RBFOX1: variants seen among roughly 807,000 people sequenced by gnomAD.
RBFOX1 encodes RNA binding protein fox-1 homolog 1.
Under a neutral mutation model 57.7 loss-of-function variants are expected in RBFOX1, and 8 were observed. That is an observed-to-expected ratio of 0.14 (90% CI 0.08 to 0.25). The LOEUF (loss-of-function observed/expected upper bound fraction) is 0.25. RBFOX1 is among the 10% of genes least tolerant of loss of function. RBFOX1 has a pLI of 1.00. For synonymous variants in RBFOX1, 326 were observed against 222.4 expected (o/e 1.47, Z -4.15); for missense variants, 611 against 548.5 (o/e 1.11, Z -1.14).
intron 2 of RBFOX1, among the ~76,000 whole-genome samples, chr16:6,366,562 G>T (rs377117746): frequency 6.6e-6 from 1 of 152,306 alleles, no homozygotes; most frequent in Non-Finnish European, 1.5e-5. Context: ...CTTCAAGGGG[G>T]TGAGGATGGC....
chr16:5,833,420 G>A (rs560796493), intron 3 of RBFOX1, among the ~76,000 whole-genome samples: 6 of 151,594 alleles, frequency 4.0e-5, no homozygotes, highest in Non-Finnish European at 5.9e-5. Flanking sequence ...GTGTGAACCC[G>A]GGAGGCGGAG....
intron 2 of RBFOX1, among the ~76,000 whole-genome samples, chr16:6,501,553 G>A (rs570871412): frequency 2.0e-5 from 3 of 151,802 alleles, no homozygotes; most frequent in Non-Finnish European, 4.4e-5. Context: ...TGGACATTTG[G>A]GTTGGTTCCA....
At chr16:7,140,157 C>CCTCTCTCCCTCT (rs2073304475) in intron 4 of RBFOX1, among the ~76,000 whole-genome samples, 1 of 70,868 alleles carries the variant, frequency 1.4e-5, no homozygotes, top group African/African-American at 5.9e-5. Flanking sequence ...TCCTTCTCTC[C>CCTCTCTCCCTCT]CTCTCTCTCT....
chr16:5,762,963 G>T (rs1012491629), intron 3 of RBFOX1, among the ~76,000 whole-genome samples: 1 of 152,196 alleles, frequency 6.6e-6, no homozygotes, highest in African/African-American at 2.4e-5. Context: ...TAGTGACACT[G>T]TGAATGATTT....
chr16:5,428,381 T>A (rs1268996694), intron 1 of RBFOX1, among the ~76,000 whole-genome samples: 4 of 151,980 alleles, frequency 2.6e-5, no homozygotes, highest in Non-Finnish European at 5.9e-5. Context: ...GTAGGAGGCG[T>A]CCCCAACAGT....
chr16:6,386,985 T>C (rs564186911), intron 2 of RBFOX1, among the ~76,000 whole-genome samples: 4 of 152,254 alleles, frequency 2.6e-5, no homozygotes, highest in East Asian at 3.9e-4. Context: ...TCCGCAAAGA[T>C]GAAGCTCAGA....
rs563995877 is a variant in RBFOX1 at position 6,613,511 on chromosome 16, C to T, written c.-63-41092C>T. Among the ~76,000 whole-genome samples the T allele has an allele frequency of 2.6e-5, 4 of 152,206 alleles. No individual in the cohort carries two copies. The South Asian group carries it at 8.3e-4, about 32-fold the overall frequency. On this transcript the variant is annotated intron_variant, in intron 2 of 15. Transcript: ENST00000550418. Reference sequence around the variant, plus strand: ...TAAGCATATAGATTAGCATCACTTACATGCAAGGACATTGTAAAATATGAT... The same window carrying T: ...TAAGCATATAGATTAGCATCACTTATATGCAAGGACATTGTAAAATATGAT...
chr16:5,799,305 G>A (rs2054983130), intron 3 of RBFOX1, among the ~76,000 whole-genome samples: 1 of 152,098 alleles, frequency 6.6e-6, no homozygotes, highest in African/African-American at 2.4e-5. Context: ...TGGGAATTAT[G>A]GGAGCTACAA....
intron 3 of RBFOX1, among the ~76,000 whole-genome samples, chr16:6,853,164 T>A (rs1490338495): frequency 3.3e-5 from 5 of 152,214 alleles, no homozygotes; most frequent in Admixed American, 2.6e-4. Flanking sequence ...TGAGCCTGAG[T>A]TTCCTCCTTT....
At chr16:7,544,635 G>A (rs1601452469) in intron 5 of RBFOX1, among the ~76,000 whole-genome samples, 1 of 152,148 alleles carries the variant, frequency 6.6e-6, no homozygotes, top group African/African-American at 2.4e-5. Context: ...AGAGCCTTCA[G>A]ATGGAGCATG....
At chr16:6,624,982 T>C (rs2098282685) in intron 2 of RBFOX1, among the ~76,000 whole-genome samples, 2 of 151,912 alleles carry the variant, frequency 1.3e-5, no homozygotes, top group South Asian at 4.2e-4. Flanking sequence ...CTGGCCAACA[T>C]GGTGAAACCC....
At position 5,522,317 on chromosome 16, in the gene RBFOX1, T is replaced by A. The variant is rs553565246; in HGVS notation, c.258+55063T>A. On this transcript the variant is annotated intron_variant, in intron 2 of 2. Transcript: ENST00000585867. ...TCTCATAATAGAGCTCATCTTGGTG[T>A]TGTGATGTGCGTAAAGCACGTTGCA... 2.6e-5 allele frequency among the ~76,000 whole-genome samples: 4 copies of A among 152,348 alleles called. No individual in the cohort carries two copies. The South Asian group carries it at 8.3e-4, about 32-fold the overall frequency.
At chr16:6,843,377 C>T (rs1036631939) in intron 3 of RBFOX1, among the ~76,000 whole-genome samples, 1 of 152,028 alleles carries the variant, frequency 6.6e-6, no homozygotes, top group African/African-American at 2.4e-5. Flanking sequence ...TTTTGTATAG[C>T]CCAATCTTAT....
At chr16:7,366,671 A>C (rs780974843) in intron 4 of RBFOX1, among the ~76,000 whole-genome samples, 1 of 151,992 alleles carries the variant, frequency 6.6e-6, no homozygotes, top group Non-Finnish European at 1.5e-5. Flanking sequence ...CACTTAGATG[A>C]AATTTGTCAA....
Position 5,638,740 on chromosome 16 carries a change from T to C in RBFOX1, c.318+39779T>C, listed in dbSNP as rs2048767437. Reference sequence around the variant, plus strand: ...CCACAGACACTGGCTCTCTACATCATAGAGCTTGAGTAGGATCCTGTACTG... The same window carrying C: ...CCACAGACACTGGCTCTCTACATCACAGAGCTTGAGTAGGATCCTGTACTG... On this transcript the variant is annotated intron_variant, in intron 3 of 19. Transcript: ENST00000641259. Among the ~76,000 whole-genome samples, 2 of 152,268 alleles carry C rather than the reference T, an allele frequency of 1.3e-5. 1 individual carries two copies. The highest frequency in any genetic ancestry group is 2.9e-5 in the Non-Finnish European group (2 of 68,006).
chr16:7,195,636 C>T (rs1328116370), intron 4 of RBFOX1, among the ~76,000 whole-genome samples: 1 of 152,196 alleles, frequency 6.6e-6, no homozygotes. Flanking sequence ...CAACTCACTG[C>T]AACCTCCACC....
At chr16:7,464,647 G>C (rs1365386761) in intron 4 of RBFOX1, among the ~76,000 whole-genome samples, 1 of 148,182 alleles carries the variant, frequency 6.7e-6, no homozygotes, top group East Asian at 2.0e-4. Context: ...CTTTTAATTG[G>C]ATCCCCCCTC....
chr16:6,945,231 T>A (rs990178964), intron 3 of RBFOX1, among the ~76,000 whole-genome samples: 2 of 152,164 alleles, frequency 1.3e-5, no homozygotes, highest in African/African-American at 4.8e-5. Flanking sequence ...CTCAGCCACT[T>A]AATCTTCACG....
intron 4 of RBFOX1, among the ~76,000 whole-genome samples, chr16:7,134,222 T>G (rs1427318684): frequency 6.6e-6 from 1 of 152,186 alleles, no homozygotes; most frequent in Non-Finnish European, 1.5e-5. Flanking sequence ...TTTTTGCCAT[T>G]TGGATGGTGA....
Sources: allele counts gnomAD v4.1 joint callset (sites outside exome capture counted in the v4.1 genomes callset), GRCh38; gene constraint gnomAD v4.1.1; transcripts MANE v1.5; gene names NCBI Gene and HGNC (gene_info 2026-07-23, HGNC 2026-07-21).